The following COL3A1 variants were observed in gnomAD, a reference collection of about 807,000 sequenced individuals.
COL3A1 encodes the protein collagen type III alpha 1 chain, also known as collagen alpha-1(III) chain.
A neutral mutation model predicts 200.9 loss-of-function variants in COL3A1; 46 were observed. That is an observed-to-expected ratio of 0.23 (90% CI 0.18 to 0.29). COL3A1 has a LOEUF of 0.29. COL3A1 is among the 10% of genes least tolerant of loss of function. The pLI, the probability that COL3A1 is intolerant of heterozygous loss-of-function variation, is 1.00. For synonymous variants in COL3A1, 650 were observed against 628.0 expected (o/e 1.03, Z -0.52); for missense variants, 1,367 against 1,917.6 (o/e 0.71, Z 5.36).
intron 5 of COL3A1, 145 bp from the exon 6 acceptor site, chr2:188,987,936 T>C: frequency 7.4e-6 from 5 of 678,886 alleles, no homozygotes; most frequent in Non-Finnish European, 1.3e-5. Context: ...TCATTATAGA[T>C]CTCATGAATA....
chr2:188,999,265 T>C lies in COL3A1; in HGVS notation c.2023-20T>C. 1 of 1,554,492 alleles carries C rather than the reference T, an allele frequency of 6.4e-7. No homozygotes were observed. Among genetic ancestry groups the C allele is most frequent in the Non-Finnish European group, 8.7e-7 (1 of 1,148,132 alleles). ...AGCTTTGGGTTGTCTAATATGGTTATTTACATATTTTTGTCACAGGGTGAT... is the reference window on the plus strand; with the variant it reads ...AGCTTTGGGTTGTCTAATATGGTTACTTACATATTTTTGTCACAGGGTGAT... On this transcript the variant is annotated intron_variant, in intron 29 of 50. Transcript: ENST00000304636.
intron 1 of COL3A1, chr2:188,978,167 A>AT: frequency 4.6e-6 from 1 of 219,394 alleles, no homozygotes; most frequent in Non-Finnish European, 1.1e-5. Context: ...ATAAAAAGGT[A>AT]TTTTTATTAA....
Position 188,999,461 on chromosome 2 carries a change from T to C in COL3A1, c.2122-9T>C. 1 of 1,614,074 alleles carries C rather than the reference T, an allele frequency of 6.2e-7. No homozygotes were observed. The highest frequency in any genetic ancestry group is 8.5e-7 in the Non-Finnish European group (1 of 1,179,986). On this transcript the variant is annotated splice_polypyrimidine_tract_variant and intron_variant, in intron 30 of 50. Transcript: ENST00000304636. ...TTCTGATCATTTATTATTTCTCACT[T>C]ATTTTCAGGGTGCTGCTGGTCCTCC...
rs922315467 is a variant in COL3A1 at position 188,998,433 on chromosome 2, A to T, written c.1977+114A>T. Reference sequence around the variant, plus strand: ...CCATGATATTTGAGATTTAACATTTAGTTTTGAAATATTATCAAAACAAAG... The same window carrying T: ...CCATGATATTTGAGATTTAACATTTTGTTTTGAAATATTATCAAAACAAAG... On this transcript the variant is annotated intron_variant, in intron 28 of 50. Coordinates refer to ENST00000304636, the MANE Select transcript of COL3A1 (RefSeq NM_000090.4). 5.6e-5 allele frequency: 58 copies of T among 1,029,782 alleles called. 2 individuals carry two copies. The South Asian group carries it at 6.9e-4, about 12-fold the overall frequency. The allele number at this position is 1,029,782 out of a possible 1,614,324, so 63.8% of individuals were successfully genotyped here. A position where few individuals can be genotyped will look rare whatever the true frequency, so the allele number is the denominator to read the frequency against.
chr2:188,989,705 A>G lies in COL3A1; in HGVS notation c.690+256A>G, dbSNP rs41272813. On this transcript the variant is annotated intron_variant, in intron 8 of 50. Coordinates refer to ENST00000304636, the MANE Select transcript of COL3A1 (RefSeq NM_000090.4). ...CGGAGAAGACTCATCCATTGAATAT[A>G]TTATTTAACTGGAGGAGAAATAGGT... 5.0e-3 allele frequency among the ~76,000 whole-genome samples: 766 copies of G among 152,262 alleles called. 7 individuals are homozygous for G. Among genetic ancestry groups the G allele is most frequent in the African/African-American group, 0.017 (713 of 41,560 alleles).
intron 1 of COL3A1, chr2:188,978,013 C>T: frequency 5.4e-6 from 2 of 369,182 alleles, no homozygotes; most frequent in South Asian, 4.1e-5. Context: ...TATTTACTTA[C>T]CTGAGCTTTT....
intron 1 of COL3A1, 53 bp downstream of exon 1, chr2:188,974,621 C>A: frequency 1.4e-6 from 2 of 1,452,532 alleles, no homozygotes; most frequent in East Asian, 2.3e-5. Context: ...CTTTCTTCTC[C>A]TCACAAAGAG....
chr2:188,974,758 G>GT (rs1455990379), intron 1 of COL3A1, among the ~76,000 whole-genome samples, 190 bp downstream of exon 1: 1 of 152,150 alleles, frequency 6.6e-6, no homozygotes, highest in Admixed American at 6.6e-5. Context: ...CGTTATGTGT[G>GT]TTTTTAAGAG....
chr2:188,984,207 C>T (rs1324390152), intron 1 of COL3A1, among the ~76,000 whole-genome samples: 2 of 151,952 alleles, frequency 1.3e-5, no homozygotes, highest in African/African-American at 2.4e-5. Context: ...ATAGAGCTAA[C>T]AGTGACATTC....
rs1687764757 is a variant in COL3A1, at chr2:188,974,482, A to G, written c.-8A>G. The stretch of plus-strand genomic sequence containing the variant: ...TTGCACAAAGAGTCTCATGTCTGAT[A>G]TTTAGACATGATGAGCTTTGTGCAA... On this transcript the variant is annotated 5_prime_UTR_variant, in exon 1 of 51. The change creates a new upstream start codon in the 5' untranslated region. Coordinates refer to ENST00000304636, the MANE Select transcript of COL3A1 (RefSeq NM_000090.4). 3.1e-6 allele frequency: 5 copies of G among 1,606,782 alleles called. No homozygotes were observed. In the South Asian group the frequency reaches 5.5e-5, roughly 18 times the overall value.
rs1688154429 is a variant in COL3A1 at position 188,990,084 on chromosome 2, T to G, written c.691-12T>G. ...ACATGAGCACCTACGTATTCTTTATTTCTCTACCTAGGGAGAATCAGGTAG... is the reference window on the plus strand; with the variant it reads ...ACATGAGCACCTACGTATTCTTTATGTCTCTACCTAGGGAGAATCAGGTAG... On this transcript the variant is annotated splice_polypyrimidine_tract_variant and intron_variant, in intron 8 of 50. Transcript: ENST00000304636. The G allele has an allele frequency of 6.2e-7, 1 of 1,612,828 alleles. No homozygotes were observed. Among genetic ancestry groups the G allele is most frequent in the Non-Finnish European group, 8.5e-7 (1 of 1,178,930 alleles).
At chr2:188,989,479 A>C (rs1559054251) in intron 8 of COL3A1, 30 bp downstream of exon 8, 1 of 1,548,060 alleles carries the variant, frequency 6.5e-7, no homozygotes, top group Non-Finnish European at 8.9e-7. Flanking sequence ...ATAAGAATAC[A>C]GCAAAATTTA....
At chr2:188,986,923 T>A (rs905787460) in intron 4 of COL3A1, 136 bp from the exon 5 acceptor site, 3 of 736,076 alleles carry the variant, frequency 4.1e-6, no homozygotes, top group Non-Finnish European at 7.3e-6. Flanking sequence ...AGATAATTAG[T>A]GAATACATAC....
At chr2:188,983,087 A>G (rs1687988251) in intron 1 of COL3A1, among the ~76,000 whole-genome samples, 1 of 151,970 alleles carries the variant, frequency 6.6e-6, no homozygotes, top group Admixed American at 6.6e-5. Flanking sequence ...TTCAGCTTTT[A>G]TATTCACTAA....
rs781150754 is a variant in COL3A1 at position 189,005,334 on chromosome 2, A to T, written c.2932-16A>T. On this transcript the variant is annotated splice_polypyrimidine_tract_variant and intron_variant, in intron 40 of 50. Transcript: ENST00000304636. ...CTTAAGTTGAAACAAAATGTTTTTC[A>T]TTCCTTTGTATACAGGGTGAAAGTG... The T allele has an allele frequency of 2.5e-6, 4 of 1,605,982 alleles. No homozygotes were observed. Among genetic ancestry groups the T allele is most frequent in the East Asian group, 4.5e-5 (2 of 44,814 alleles).
chr2:188,992,723 C>T (rs1688214195), intron 14 of COL3A1, among the ~76,000 whole-genome samples, 164 bp from the exon 15 acceptor site: 1 of 152,108 alleles, frequency 6.6e-6, no homozygotes, highest in African/African-American at 2.4e-5. Context: ...TCACTCTTTT[C>T]TTATTTTACC....
chr2:188,995,905 C>T, intron 22 of COL3A1, 115 bp downstream of exon 22: 1 of 1,028,950 alleles, frequency 9.7e-7, no homozygotes, highest in Non-Finnish European at 1.4e-6. Context: ...TTGTAAGGCA[C>T]CAAACAAAAC....
intron 7 of COL3A1, among the ~76,000 whole-genome samples, chr2:188,989,045 C>A (rs1004264105): frequency 6.0e-5 from 9 of 151,156 alleles, no homozygotes; most frequent in Non-Finnish European, 1.3e-4. Context: ...CTTAGAGAGT[C>A]CTTTAGAAGG....
Position 188,985,741 on chromosome 2 carries a change from C to A in COL3A1, c.410C>A (p.Pro137His). 6.2e-7 allele frequency: 1 copy of A among 1,611,760 alleles called. No homozygotes were observed. The highest frequency in any genetic ancestry group is 8.5e-7 in the Non-Finnish European group (1 of 1,178,832). Residue 137 changes from proline (P) to histidine (H), a missense_variant, in exon 4 of 51, where the codon CCC becomes CAC. Physicochemically the swap from Pro to His is moderately conservative, Grantham distance 77. This residue lies in a region of COL3A1 where 462 missense variants were observed against 681.4 expected (regional missense o/e 0.68). Transcript: ENST00000304636. ...GQPGSPGSPG[P>H]PGICESCPTG... is the part of the protein sequence containing the mutation. ...CCAGGGTCCCCTGGTTCTCCTGGCC[C>A]CCCTGGAATCTGTGAATCATGCCCT...
Sources: allele counts gnomAD v4.1 joint callset (sites outside exome capture counted in the v4.1 genomes callset), GRCh38; gene constraint gnomAD v4.1.1; regional missense constraint gnomAD v4.1.1; transcripts MANE v1.5; gene names NCBI Gene and HGNC (gene_info 2026-07-23, HGNC 2026-07-21).